CACNA2D3: variants seen among roughly 807,000 people sequenced by gnomAD.
The protein encoded by CACNA2D3 is calcium voltage-gated channel auxiliary subunit alpha2delta 3.
In CACNA2D3, 60 loss-of-function variants were observed where a neutral mutation model predicts 160.6. The ratio of observed to expected loss-of-function variants is 0.37; its 90% CI spans 0.30 to 0.46. CACNA2D3 has a LOEUF of 0.46. Ranked by LOEUF, CACNA2D3 falls within the 20% of genes least tolerant of loss-of-function variation. CACNA2D3 has a pLI of 1.00. For missense variants in CACNA2D3, 1,205 were observed against 1,365.0 expected, an observed-to-expected ratio of 0.88 and a Z score of 1.85; for synonymous variants, 558 against 492.9, an observed-to-expected ratio of 1.13 and a Z score of -1.75.
In CACNA2D3 at chr3:54,451,229, C is replaced by CTTTTTTTTTTTTTTT. The variant is rs71074970; in HGVS notation, c.382-52245_382-52231dup. ...TGTCCCTTTCTGCTGATATAATAAT[C>CTTTTTTTTTTTTTTT]TTTTTTTTTTTTTTTTTTTTTTTTT... On this transcript the variant is annotated intron_variant, in intron 4 of 37. Coordinates refer to ENST00000474759, the MANE Select transcript of CACNA2D3 (RefSeq NM_018398.3). 1.4e-4 allele frequency among the ~76,000 whole-genome samples: 7 copies of CTTTTTTTTTTTTTTT among 51,754 alleles called. 2 individuals carry two copies. The highest frequency in any genetic ancestry group is 6.0e-4 in the African/African-American group (7 of 11,608). The allele number at this position is 51,754 out of a possible 152,430, so 34.0% of individuals were successfully genotyped here.
intron 4 of CACNA2D3, among the ~76,000 whole-genome samples, chr3:54,401,562 A>G (rs9851130): frequency 0.21 from 32,450 of 152,122 alleles, 3,858 homozygotes; most frequent in Middle Eastern, 0.32. Context: ...ATTTCTTAAG[A>G]GAAACGTTGC....
At chr3:54,261,895 TC>T (rs1321729233) in intron 2 of CACNA2D3, among the ~76,000 whole-genome samples, 2 of 152,018 alleles carry the variant, frequency 1.3e-5, no homozygotes, top group Non-Finnish European at 2.9e-5. Flanking sequence ...TCCCCATACT[TC>T]CCCCACTGGA....
intron 3 of CACNA2D3, among the ~76,000 whole-genome samples, chr3:54,373,570 C>T (rs1698961641): frequency 6.6e-6 from 1 of 152,188 alleles, no homozygotes; most frequent in Non-Finnish European, 1.5e-5. Flanking sequence ...TTATAATGCA[C>T]TGTAGGCTGT....
intron 3 of CACNA2D3, among the ~76,000 whole-genome samples, chr3:54,362,193 C>T (rs1326154365): frequency 1.3e-5 from 2 of 152,194 alleles, no homozygotes; most frequent in African/African-American, 2.4e-5. Context: ...TGCTCACTGT[C>T]TCACAAGGCA....
In CACNA2D3 at chr3:55,030,893, C is replaced by T. The variant is rs1703672736; in HGVS notation, c.2987+12576C>T. On this transcript the variant is annotated intron_variant, in intron 35 of 37. Transcript: ENST00000474759. ...AATGTTATAAATTACTGTTTTCCCT[C>T]CTGAGTCCATGATATAAAATGAGAG... 2.0e-5 allele frequency among the ~76,000 whole-genome samples: 3 copies of T among 152,122 alleles called. No homozygotes were observed. In the South Asian group the frequency reaches 6.2e-4, roughly 31 times the overall value.
At chr3:55,063,137 T>C (rs1345542371) in intron 35 of CACNA2D3, among the ~76,000 whole-genome samples, 1 of 152,084 alleles carries the variant, frequency 6.6e-6, no homozygotes, top group African/African-American at 2.4e-5. Flanking sequence ...TGAATTGGGG[T>C]TCTCCAAAGG....
chr3:55,073,848 T>G lies in CACNA2D3; in HGVS notation c.3172T>G (p.Phe1058Val), dbSNP rs1276666799. Residue 1058 changes from phenylalanine to valine, a missense_variant, in exon 37 of 38, where the codon TTC (phenylalanine) becomes GTC (valine). Phe to Val is a conservative substitution (Grantham distance 50). Transcript: ENST00000474759. ...AAGGCGCCCAGAATCTTGTCATGGC[T>G]TCCATCCTGAGGTAAGTCTGAGAAC... ...IRRRPESCHG[F>V]HPEENARECG... 1.2e-6 allele frequency: 2 copies of G among 1,613,388 alleles called. No homozygotes were observed. The highest frequency in any genetic ancestry group is 4.5e-5 in the East Asian group (2 of 44,866).
At chr3:54,263,316 A>G (rs1444243547) in intron 2 of CACNA2D3, among the ~76,000 whole-genome samples, 2 of 152,220 alleles carry the variant, frequency 1.3e-5, no homozygotes, top group South Asian at 4.1e-4. Context: ...ATAGTCAGAA[A>G]TAGTATACAT....
chr3:54,896,102 T>C (rs935856802), intron 25 of CACNA2D3, among the ~76,000 whole-genome samples: 3 of 152,006 alleles, frequency 2.0e-5, no homozygotes, highest in Non-Finnish European at 4.4e-5. Flanking sequence ...GAGTGTGATT[T>C]TGAAAGGAAG....
At chr3:54,723,492 T>C (rs779766747) in intron 11 of CACNA2D3, among the ~76,000 whole-genome samples, 1 of 152,202 alleles carries the variant, frequency 6.6e-6, no homozygotes, top group Non-Finnish European at 1.5e-5. Context: ...CTACCCAGTT[T>C]TGTGCTTGAA....
At chr3:54,158,717 T>G (rs1303222024) in intron 2 of CACNA2D3, among the ~76,000 whole-genome samples, 1 of 152,224 alleles carries the variant, frequency 6.6e-6, no homozygotes, top group Non-Finnish European at 1.5e-5. Flanking sequence ...CTTGGGGAAA[T>G]GATTTTCATT....
intron 14 of CACNA2D3, among the ~76,000 whole-genome samples, chr3:54,835,854 AAAG>A (rs1375928460): frequency 2.6e-5 from 4 of 152,248 alleles, no homozygotes; most frequent in African/African-American, 7.2e-5. Flanking sequence ...AAGGCAGAGA[AAAG>A]AAGCTGGCAT....
At chr3:54,220,132 TCCTTTTATGTC>T (rs1701539743) in intron 2 of CACNA2D3, among the ~76,000 whole-genome samples, 1 of 152,144 alleles carries the variant, frequency 6.6e-6, no homozygotes, top group Non-Finnish European at 1.5e-5. Context: ...TGTAGTTTTT[TCCTTTTATGTC>T]AATAATTGGT....
At chr3:54,333,028 A>G (rs1168126979) in intron 3 of CACNA2D3, among the ~76,000 whole-genome samples, 2 of 152,314 alleles carry the variant, frequency 1.3e-5, no homozygotes, top group East Asian at 3.9e-4. Context: ...CAGAAGGAAC[A>G]GCACATGTGA....
chr3:54,976,445 C>T (rs1410495767), intron 29 of CACNA2D3, among the ~76,000 whole-genome samples: 1 of 151,916 alleles, frequency 6.6e-6, no homozygotes, highest in African/African-American at 2.4e-5. Context: ...AACTAACCTG[C>T]ACATTGTGCA....
rs984758390 is a variant in CACNA2D3 at position 55,040,414 on chromosome 3, C to T, written c.2987+22097C>T. Among the ~76,000 whole-genome samples, 6 of 152,208 alleles carry T rather than the reference C, an allele frequency of 3.9e-5. No individual in the cohort carries two copies. In the East Asian group the frequency reaches 1.2e-3, roughly 29 times the overall value. ...AAAAATAATATTCAAATATCCATAT[C>T]AATATTGTTGCTAAAAGTAGAATGA... is the stretch of plus-strand genomic sequence containing the variant. On this transcript the variant is annotated intron_variant, in intron 35 of 37. Transcript: ENST00000474759.
intron 2 of CACNA2D3, among the ~76,000 whole-genome samples, chr3:54,218,343 C>T (rs1044192041): frequency 6.6e-6 from 1 of 151,930 alleles, no homozygotes; most frequent in Non-Finnish European, 1.5e-5. Context: ...CTGATGCTGC[C>T]CTGTGGGATG....
chr3:54,174,748 A>G (rs1026408063), intron 2 of CACNA2D3, among the ~76,000 whole-genome samples: 3 of 152,138 alleles, frequency 2.0e-5, no homozygotes, highest in Non-Finnish European at 2.9e-5. Context: ...GATGGTTTCG[A>G]TCTCCTGACC....
At chr3:54,584,600 G>T (rs1702729541) in intron 9 of CACNA2D3, among the ~76,000 whole-genome samples, 1 of 152,132 alleles carries the variant, frequency 6.6e-6, no homozygotes. Context: ...GAGAGAATGG[G>T]ACTGAAGAGG....
Sources: allele counts gnomAD v4.1 joint callset (sites outside exome capture counted in the v4.1 genomes callset), GRCh38; gene constraint gnomAD v4.1.1; transcripts MANE v1.5; gene names NCBI Gene and HGNC (gene_info 2026-07-23, HGNC 2026-07-21).